Variants in DNAJC21 observed in about 807,000 individuals in gnomAD.
DNAJC21 encodes dnaJ homolog subfamily C member 21.
Under a neutral mutation model 72.4 loss-of-function variants are expected in DNAJC21, and 63 were observed. The observed-to-expected ratio is 0.87, with a 90% confidence interval of 0.71 to 1.07. DNAJC21 has a LOEUF of 1.07. Ranked by LOEUF, DNAJC21 falls within the 50% of genes least tolerant of loss-of-function variation. DNAJC21 has a pLI of 0.00. For missense variants in DNAJC21, 634 were observed against 644.8 expected (o/e 0.98, Z 0.18); for synonymous variants, 203 against 216.7 (o/e 0.94, Z 0.56).
At chr5:34,950,545 A>T in intron 10 of DNAJC21, 1 of 1,223,946 alleles carries the variant, frequency 8.2e-7, no homozygotes. Context: ...ATGTGCCCAC[A>T]CACATCTCAG....
rs777941059 is a variant in DNAJC21 at position 34,935,828 on chromosome 5, GA to G, written c.314del (p.Lys105ArgfsTer13). ...VTCYSGYGDD[E>X]KGFYTVYRNV... is the part of the protein sequence containing the mutation. ...CTGTTATTCTGGTTATGGAGATGATGAAAAGGTAAGATAAATGAACTCACCC... is the reference window on the plus strand; with the variant it reads ...CTGTTATTCTGGTTATGGAGATGATGAAAGGTAAGATAAATGAACTCACCC... On this transcript the variant is annotated frameshift_variant, in exon 3 of 12. Coordinates refer to ENST00000648817, the MANE Select transcript of DNAJC21 (RefSeq NM_001012339.3). LOFTEE classifies it high-confidence loss of function. 1.9e-6 allele frequency: 3 copies of G among 1,613,944 alleles called. No homozygotes were observed. Among genetic ancestry groups the G allele is most frequent in the Non-Finnish European group, 2.5e-6 (3 of 1,179,936 alleles).
chr5:34,958,020 A>C lies in DNAJC21; in HGVS notation c.*3306A>C, dbSNP rs796655848. ...TTTCAGATTTCTTGTTCTATGGAAG[A>C]GGAAGCTGAGCTCAGGGAGATATGA... On this transcript the variant is annotated 3_prime_UTR_variant, in exon 12 of 12. Transcript: ENST00000648817. 1 of 152,204 alleles carries C rather than the reference A, an allele frequency of 6.6e-6. No individual in the cohort carries two copies. The allele number at this position is 152,204 out of a possible 1,614,324, so 9.4% of individuals were successfully genotyped here. A position where few individuals can be genotyped will look rare whatever the true frequency, so the allele number is the denominator to read the frequency against.
chr5:34,940,311 A>G (rs1470785932), intron 6 of DNAJC21, among the ~76,000 whole-genome samples: 5 of 152,250 alleles, frequency 3.3e-5, no homozygotes, highest in Non-Finnish European at 2.9e-5. Flanking sequence ...TTAACACCAT[A>G]TATTAAACAT....
intron 10 of DNAJC21, chr5:34,950,846 T>C: frequency 1.0e-6 from 1 of 985,796 alleles, no homozygotes; most frequent in East Asian, 1.1e-4. Flanking sequence ...GGAGGAGGTC[T>C]CACCCAAGGG....
chr5:34,930,324 T>TC (rs1258383639), intron 1 of DNAJC21: 1 of 155,348 alleles, frequency 6.4e-6, no homozygotes, highest in Non-Finnish European at 1.4e-5. Flanking sequence ...TCCGCTGCCC[T>TC]CCACCTCGTC....
At chr5:34,943,735 T>C (rs1368519762) in intron 7 of DNAJC21, among the ~76,000 whole-genome samples, 2 of 152,226 alleles carry the variant, frequency 1.3e-5, no homozygotes, top group African/African-American at 4.8e-5. Flanking sequence ...CCCCCTCAAG[T>C]TTTTATCAGT....
chr5:34,951,015 T>C, intron 10 of DNAJC21: 1 of 985,412 alleles, frequency 1.0e-6, no homozygotes, highest in Non-Finnish European at 1.2e-6. Flanking sequence ...CTGAAAAGAA[T>C]TAAAGTGAGA....
In DNAJC21 at chr5:34,934,857, T is replaced by C. The variant is rs971571068; in HGVS notation, c.192-853T>C. ...GGCTGCAAAGAAAATTCTTACAAAA[T>C]TGTGTTTCATAAGAAACTCAGAGAG... On this transcript the variant is annotated intron_variant, in intron 2 of 11. Transcript: ENST00000648817. Among the ~76,000 whole-genome samples the C allele has an allele frequency of 2.0e-5, 3 of 152,198 alleles. No individual in the cohort carries two copies. The South Asian group carries it at 6.2e-4, about 32-fold the overall frequency.
chr5:34,936,347 C>G (rs1764776775), intron 4 of DNAJC21, 81 bp downstream of exon 4: 10 of 1,504,262 alleles, frequency 6.6e-6, no homozygotes, highest in Non-Finnish European at 9.0e-6. Context: ...TTGAGATGGT[C>G]TCACTCTGTC....
intron 4 of DNAJC21, among the ~76,000 whole-genome samples, chr5:34,936,854 G>T (rs149255003): frequency 4.7e-4 from 72 of 152,072 alleles, no homozygotes; most frequent in Middle Eastern, 3.4e-3. Context: ...GGGTTCAAGC[G>T]ATTCTCCTGC....
At chr5:34,953,824 A>G in intron 10 of DNAJC21, 102 bp from the exon 11 acceptor site, 1 of 627,100 alleles carries the variant, frequency 1.6e-6, no homozygotes, top group Non-Finnish European at 2.5e-6. Context: ...ATTAACTTTT[A>G]AAGTGCAGTT....
rs1303623051 is a variant in DNAJC21 at position 34,937,621 on chromosome 5, A to G, written c.734A>G (p.Lys245Arg). Residue 245 changes from lysine (K) to arginine (R), a missense_variant, in exon 5 of 12, where the codon AAG (lysine) becomes AGG (arginine). Transcript: ENST00000648817. ...GAGATGAGGCGGCAGCAGAAGCTAA[A>G]GCAGGCCAAGTGCGTAGCGTGCGTG... Reference protein sequence around the residue: ...AEEMRRQQKLKQAKLVEQYRE... With the variant: ...AEEMRRQQKLRQAKLVEQYRE... The G allele has an allele frequency of 6.2e-7, 1 of 1,612,280 alleles. No homozygotes were observed. Among genetic ancestry groups the G allele is most frequent in the Non-Finnish European group, 8.5e-7 (1 of 1,178,996 alleles).
chr5:34,946,739 C>G (rs967790386), intron 9 of DNAJC21, among the ~76,000 whole-genome samples: 24 of 152,164 alleles, frequency 1.6e-4, no homozygotes, highest in African/African-American at 5.8e-4. Context: ...AACACTTTCT[C>G]TTTCCTTTGT....
chr5:34,936,155 G>T lies in DNAJC21; in HGVS notation c.327G>T (p.Thr109=). The T allele has an allele frequency of 6.2e-7, 1 of 1,612,352 alleles. No individual in the cohort carries two copies. Among genetic ancestry groups the T allele is most frequent in the Non-Finnish European group, 8.5e-7 (1 of 1,179,576 alleles). Reference sequence around the variant, plus strand: ...TTACTGTTTTTTAGGGATTTTACACGGTGTATCGTAATGTTTTTGAAATGA... The same window carrying T: ...TTACTGTTTTTTAGGGATTTTACACTGTGTATCGTAATGTTTTTGAAATGA... ...GYGDDEKGFY[T]VYRNVFEMIA... The change falls in exon 4 of 12, where the codon ACG becomes ACT. Residue 109 remains threonine (T), a synonymous_variant. Coordinates refer to ENST00000648817, the MANE Select transcript of DNAJC21 (RefSeq NM_001012339.3).
chr5:34,942,189 A>G (rs965075867), intron 7 of DNAJC21, among the ~76,000 whole-genome samples: 1 of 152,052 alleles, frequency 6.6e-6, no homozygotes, highest in Non-Finnish European at 1.5e-5. Flanking sequence ...TCCCACCATC[A>G]TTGTCCCATG....
intron 5 of DNAJC21, 35 bp downstream of exon 5, chr5:34,937,665 C>G: frequency 6.3e-7 from 1 of 1,578,294 alleles, no homozygotes; most frequent in Non-Finnish European, 8.6e-7. Flanking sequence ...TTCTCAGTAT[C>G]GGTGGGGGTC....
intron 2 of DNAJC21, among the ~76,000 whole-genome samples, chr5:34,935,049 C>T (rs1444058247): frequency 2.6e-5 from 4 of 152,284 alleles, no homozygotes; most frequent in African/African-American, 9.6e-5. Flanking sequence ...TCTTTTTAGT[C>T]AAAGCTCTTG....
chr5:34,936,228 T>A lies in DNAJC21; in HGVS notation c.400T>A (p.Phe134Ile), dbSNP rs1444287235. ...TGTGTTAGAGGAAGAGGTTGATGAT[T>A]TCCCAACTTTTGGAGACTCCCAGAG... ...ESVLEEEVDD[F>I]PTFGDSQSDY... The change falls in exon 4 of 12, where the codon TTC becomes ATC. Residue 134 changes from phenylalanine to isoleucine, a missense_variant. Physicochemically the swap from Phe to Ile is conservative, Grantham distance 21. Transcript: ENST00000648817. The A allele has an allele frequency of 6.2e-7, 1 of 1,613,920 alleles. No individual in the cohort carries two copies. Among genetic ancestry groups the A allele is most frequent in the Non-Finnish European group, 8.5e-7 (1 of 1,179,994 alleles).
At chr5:34,929,960 C>G (rs755028791) in intron 1 of DNAJC21, 44 bp downstream of exon 1, 2 of 1,476,010 alleles carry the variant, frequency 1.4e-6, no homozygotes, top group Non-Finnish European at 1.8e-6. Context: ...CGGAGAAGCC[C>G]GGCCCTCCCC....
Sources: allele counts gnomAD v4.1 joint callset (sites outside exome capture counted in the v4.1 genomes callset), GRCh38; gene constraint gnomAD v4.1.1; transcripts MANE v1.5; gene names NCBI Gene and HGNC (gene_info 2026-07-23, HGNC 2026-07-21).